ZNF324B: variants seen among roughly 807,000 people sequenced by gnomAD.
ZNF324B encodes zinc finger protein 324B.
ZNF324B carries 7 observed loss-of-function variants against 10.6 expected under a neutral mutation model. The ratio of observed to expected loss-of-function variants is 0.66; its 90% CI spans 0.38 to 1.24. ZNF324B has a LOEUF of 1.24. Ranked by LOEUF, ZNF324B falls within the 50% of genes most tolerant of loss-of-function variation. The pLI is 0.02. For missense variants in ZNF324B, 640 were observed against 764.7 expected (o/e 0.84, Z 1.92); for synonymous variants, 316 against 321.0 (o/e 0.98, Z 0.17).
chr19:58,442,772 C>T, the ZNF324B span: 72 of 152,478 alleles, frequency 4.7e-4, no homozygotes, highest in African/African-American at 1.7e-3. Flanking sequence ...GGTTTGTGGT[C>T]TCGCTGGCTT....
In ZNF324B at chr19:58,455,396, C is replaced by T. The variant is rs761874361; in HGVS notation, c.452C>T (p.Ser151Leu). The part of the protein sequence containing the change: ...VIYWERLLLG[S>L]RSDQASISLR... ...TACTGGGAGAGGCTCCTGCTAGGCT[C>T]GCGCAGTGACCAGGCCAGCATCAGC... The change falls in exon 4 of 4, where the codon TCG (serine) becomes TTG (leucine). Residue 151 changes from serine (S) to leucine (L), a missense_variant. Physicochemically the swap from Ser to Leu is moderately radical, Grantham distance 145 (BLOSUM62 -2). Around this residue, in one of 3 missense-constraint regions of ZNF324B, gnomAD observed 345 missense variants for 387.9 expected, o/e 0.89. Transcript: ENST00000336614. This position sits in a 1 kb window ranked among gnomAD's most constrained non-coding sequence, Gnocchi z 7.0. The T allele has an allele frequency of 5.6e-6, 9 of 1,614,096 alleles. No homozygotes were observed. Among genetic ancestry groups the T allele is most frequent in the South Asian group, 2.2e-5 (2 of 91,086 alleles).
chr19:58,434,450 G>A, the ZNF324B span: 9 of 1,614,260 alleles, frequency 5.6e-6, no homozygotes, highest in Non-Finnish European at 2.5e-6. Flanking sequence ...ACAAATGTGA[G>A]TTTGTGGTTG....
chr19:58,421,524 G>A, the ZNF324B span, among the ~76,000 whole-genome samples: 3 of 151,996 alleles, frequency 2.0e-5, no homozygotes, highest in African/African-American at 7.3e-5. Context: ...GGATTAACAG[G>A]TTCGCCGCAC....
the ZNF324B span, among the ~76,000 whole-genome samples, chr19:58,427,381 T>TTC: frequency 3.1e-3 from 162 of 52,314 alleles, 3 homozygotes; most frequent in African/African-American, 0.011. Context: ...TTTCTTTCTT[T>TTC]CTTTCTTTCT....
chr19:58,447,229 C>T (rs566667680), upstream of ZNF324B, among the ~76,000 whole-genome samples: 46 of 152,284 alleles, frequency 3.0e-4, no homozygotes, highest in African/African-American at 1.0e-3. Flanking sequence ...CTGCCTGCCT[C>T]GGCCTCCCAA....
At chr19:58,452,270 C>G (rs1333035578) in intron 1 of ZNF324B, 1 of 152,022 alleles carries the variant, frequency 6.6e-6, no homozygotes, top group African/African-American at 2.4e-5. Context: ...CGATGTGGAG[C>G]TGGAGTAGAG....
At chr19:58,451,596 G>A (rs1340006991), upstream of ZNF324B, 1 of 516,678 alleles carries the variant, frequency 1.9e-6, no homozygotes, top group Admixed American at 1.9e-5. Context: ...GTGAGCTCTG[G>A]GGGCTGGACT....
the ZNF324B span, chr19:58,440,063 G>C: frequency 1.3e-5 from 7 of 528,200 alleles, no homozygotes; most frequent in East Asian, 2.5e-4. Context: ...TGAAGGCGCG[G>C]TGACGGTCCC....
chr19:58,427,332 T>C, the ZNF324B span, among the ~76,000 whole-genome samples: 3 of 98,544 alleles, frequency 3.0e-5, no homozygotes, highest in East Asian at 7.2e-4. Context: ...TCTTTCTTTC[T>C]TTCTTTCTTT....
chr19:58,456,565 C>A lies in ZNF324B; in HGVS notation c.1621C>A (p.Pro541Thr). The change falls in exon 4 of 4, where the codon CCA becomes ACA. Residue 541 changes from proline (P) to threonine (T), a missense_variant. Coordinates refer to ENST00000336614, the MANE Select transcript of ZNF324B (RefSeq NM_207395.3). This position sits in a 1 kb window ranked among gnomAD's most constrained non-coding sequence, Gnocchi z 4.7. The stretch of plus-strand genomic sequence containing the variant: ...AGGGAAGCCAAGCCCAGTCCTGAAG[C>A]CAGCGAAGGTCTGAGGTCACAGGTC... Reference protein sequence around the residue: ...RGGKPSPVLKPAKV With the variant: ...RGGKPSPVLKTAKV 1 of 1,613,684 alleles carries A rather than the reference C, an allele frequency of 6.2e-7. No homozygotes were observed. Among genetic ancestry groups the A allele is most frequent in the Non-Finnish European group, 8.5e-7 (1 of 1,179,708 alleles).
chr19:58,427,353 T>TTTCTTTCTTTCTTTCTTTCTTTC, the ZNF324B span, among the ~76,000 whole-genome samples: 2 of 56,050 alleles, frequency 3.6e-5, no homozygotes, highest in East Asian at 1.5e-3. Flanking sequence ...CTCTTTCCTT[T>TTTCTTTCTTTCTTTCTTTCTTTC]CTTTCTTTCT....
intron 2 of ZNF324B, 104 bp downstream of exon 2, chr19:58,453,926 C>A (rs573096945): frequency 1.5e-5 from 23 of 1,495,122 alleles, no homozygotes; most frequent in Non-Finnish European, 2.1e-5. Context: ...GCCAGGGCCA[C>A]GTGGAACAAG....
At chr19:58,422,370 C>T in the ZNF324B span, among the ~76,000 whole-genome samples, 1,040 of 152,248 alleles carry the variant, frequency 6.8e-3, 16 homozygotes, top group African/African-American at 0.024. Flanking sequence ...GACAAAGATG[C>T]CCACTTTCAC....
chr19:58,423,838 C>A, the ZNF324B span, among the ~76,000 whole-genome samples: 4 of 151,596 alleles, frequency 2.6e-5, no homozygotes, highest in Admixed American at 2.6e-4. Context: ...TCAATAAATC[C>A]AAAAACTAGA....
At chr19:58,437,259 C>A in the ZNF324B span, 1 of 1,539,126 alleles carries the variant, frequency 6.5e-7, no homozygotes, top group Non-Finnish European at 8.7e-7. Flanking sequence ...ATATGCAGGA[C>A]CTTGCTGTGT....
At chr19:58,447,091 T>C (rs181812542), upstream of ZNF324B, among the ~76,000 whole-genome samples, 8 of 152,312 alleles carry the variant, frequency 5.3e-5, no homozygotes, top group East Asian at 1.5e-3. Flanking sequence ...TTCTTCTGTC[T>C]CAGCCTCCCA....
At position 58,455,090 on chromosome 19, in the gene ZNF324B, G is replaced by T. The variant is rs112075098; in HGVS notation, c.239-93G>T. 7.1e-6 allele frequency: 11 copies of T among 1,545,986 alleles called. No individual in the cohort carries two copies. Among genetic ancestry groups the T allele is most frequent in the Non-Finnish European group, 8.9e-6 (10 of 1,126,936 alleles). ...TTCTTTTTCCCTAAGCTTTTGTCCC[G>T]GCTCCTGGGCTCCCCCTTGCCTGTC... On this transcript the variant is annotated intron_variant, in intron 3 of 3. Transcript: ENST00000336614. This position sits in a 1 kb window ranked among gnomAD's most constrained non-coding sequence, Gnocchi z 7.0.
At chr19:58,436,127 A>AATCTATATAGTC in the ZNF324B span, among the ~76,000 whole-genome samples, 1 of 152,228 alleles carries the variant, frequency 6.6e-6, no homozygotes, top group Non-Finnish European at 1.5e-5. Flanking sequence ...AGGAAACGTA[A>AATCTATATAGTC]ATCTATATAG....
chr19:58,455,093 T>C lies in ZNF324B; in HGVS notation c.239-90T>C. 6.4e-7 allele frequency: 1 copy of C among 1,563,446 alleles called. No individual in the cohort carries two copies. The highest frequency in any genetic ancestry group is 8.8e-7 in the Non-Finnish European group (1 of 1,138,060). ...TTTTTCCCTAAGCTTTTGTCCCGGC[T>C]CCTGGGCTCCCCCTTGCCTGTCCAC... On this transcript the variant is annotated intron_variant, in intron 3 of 3. Coordinates refer to ENST00000336614, the MANE Select transcript of ZNF324B (RefSeq NM_207395.3). This position sits in a 1 kb window ranked among gnomAD's most constrained non-coding sequence, Gnocchi z 7.0.
Sources: allele counts gnomAD v4.1 joint callset (sites outside exome capture counted in the v4.1 genomes callset), GRCh38; gene constraint gnomAD v4.1.1; regional missense constraint gnomAD v4.1.1; non-coding constraint Gnocchi (gnomAD v3.1); transcripts MANE v1.5; gene names NCBI Gene and HGNC (gene_info 2026-07-23, HGNC 2026-07-21).